TAF1: variants seen among roughly 807,000 people sequenced by gnomAD.
TAF1 encodes the protein TATA-box binding protein associated factor 1.
TAF1 carries 2 observed loss-of-function variants against 138.5 expected under a neutral mutation model. That is an observed-to-expected ratio of 0.01 (90% confidence interval 0.01 to 0.05). The LOEUF is 0.05. Ranked by LOEUF, TAF1 falls within the 10% of genes least tolerant of loss-of-function variation. The probability of loss-of-function intolerance (pLI) is 1.00; values close to 1 mark genes in which losing one functional copy is unlikely to be tolerated. For synonymous variants in TAF1, 437 were observed against 503.2 expected, an observed-to-expected ratio of 0.87 and a Z score of 1.76; for missense variants, 709 against 1,478.0, an observed-to-expected ratio of 0.48 and a Z score of 8.53.
At chrX:71,379,999 C>T (rs2033779265) in intron 8 of TAF1, among the ~76,000 whole-genome samples, 1 of 110,289 alleles carries the variant, frequency 9.1e-6, no homozygotes, top group East Asian at 2.8e-4. Context: ...TATTTTTCTC[C>T]TTAAATAGGT....
Position 71,454,680 on chromosome X carries a change from A to G in TAF1, c.4822-61A>G. 7 of 1,012,702 alleles carry G rather than the reference A, an allele frequency of 6.9e-6. No homozygotes were observed. In the South Asian group the frequency reaches 1.5e-4, roughly 22 times the overall value. 83.5% of individuals were successfully genotyped at this position (1,012,702 alleles called of 1,213,427 possible). On this transcript the variant is annotated intron_variant, in intron 33 of 37. Coordinates refer to ENST00000423759, the MANE Select transcript of TAF1 (RefSeq NM_004606.5). ...AGATAGATATTTTTGTCTTTTGTTT[A>G]CTTTTGTATCCCCAGTACTTAAAAT...
intron 21 of TAF1, 76 bp downstream of exon 21, chrX:71,393,552 G>A: frequency 9.1e-7 from 1 of 1,101,215 alleles, no homozygotes; most frequent in Non-Finnish European, 1.2e-6. Context: ...ATAATAAAGA[G>A]GAGGTCACCT....
In TAF1 at chrX:71,378,871, T is replaced by C. The variant is rs773362861; in HGVS notation, c.1200T>C (p.Asp400=). 5.8e-6 allele frequency: 7 copies of C among 1,209,514 alleles called. No homozygotes were observed. In the East Asian group the frequency reaches 1.8e-4, roughly 31 times the overall value. The change falls in exon 8 of 38, where the codon GAT becomes GAC. Residue 400 remains aspartate, a synonymous_variant. Transcript: ENST00000423759. ...ACAATGGCACTGATCTTCTGGCTGA[T>C]GAAAACTTCCTGATGGTGACACAGC... The part of the protein sequence containing the change: ...EENNGTDLLA[D]ENFLMVTQLH...
At chrX:71,430,371 G>C (rs949324808) in intron 32 of TAF1, among the ~76,000 whole-genome samples, 1 of 95,055 alleles carries the variant, frequency 1.1e-5, no homozygotes, top group African/African-American at 4.0e-5. Flanking sequence ...GCAACAGAGC[G>C]AGACTCCGTC....
At chrX:71,448,802 C>G (rs1463797456) in intron 32 of TAF1, among the ~76,000 whole-genome samples, 1 of 103,014 alleles carries the variant, frequency 9.7e-6, no homozygotes, top group African/African-American at 3.7e-5. Context: ...CTTTTGTTTT[C>G]TTTTTCTTTT....
chrX:71,464,206 C>T lies in TAF1; in HGVS notation c.*160C>T, dbSNP rs903845591. The T allele has an allele frequency of 3.2e-5, 16 of 492,331 alleles. No homozygotes were observed. The highest frequency in any genetic ancestry group is 5.0e-5 in the Non-Finnish European group (15 of 297,111). 40.6% of individuals were successfully genotyped at this position (492,331 alleles called of 1,213,427 possible). A position where few individuals can be genotyped will look rare whatever the true frequency, so the allele number is the denominator to read the frequency against. Reference sequence around the variant, plus strand: ...AAGTAGTAAGTAAATGATAATAAATCACCTCTCCTAATCTTCCTGGGGCAA... The same window carrying T: ...AAGTAGTAAGTAAATGATAATAAATTACCTCTCCTAATCTTCCTGGGGCAA... On this transcript the variant is annotated 3_prime_UTR_variant, in exon 38 of 38. Coordinates refer to ENST00000423759, the MANE Select transcript of TAF1 (RefSeq NM_004606.5).
At chrX:71,516,251 T>C (rs1166340004) in intron 13 of TAF1, among the ~76,000 whole-genome samples, 1 of 104,634 alleles carries the variant, frequency 9.6e-6, no homozygotes, top group African/African-American at 3.5e-5. Flanking sequence ...TTTTTTTTTT[T>C]TGTAGAGTTG....
At chrX:71,500,491 A>G (rs1293116538) in intron 13 of TAF1, among the ~76,000 whole-genome samples, 1 of 110,543 alleles carries the variant, frequency 9.0e-6, no homozygotes, top group Non-Finnish European at 1.9e-5. Context: ...TATCTGAAAG[A>G]AAAAACCACC....
intron 13 of TAF1, among the ~76,000 whole-genome samples, chrX:71,483,038 G>A (rs1388811186): frequency 1.8e-5 from 2 of 110,001 alleles, no homozygotes; most frequent in African/African-American, 6.6e-5. Context: ...GGAGTGCAGT[G>A]TCATGATCAT....
chrX:71,529,076 T>C (rs1313389345), intron 14 of TAF1, among the ~76,000 whole-genome samples: 1 of 108,758 alleles, frequency 9.2e-6, no homozygotes, highest in Non-Finnish European at 1.9e-5. Context: ...CGTTTTGTTT[T>C]TGTTTTTTTT....
At chrX:71,373,645 ATC>A (rs1569270666) in intron 3 of TAF1, among the ~76,000 whole-genome samples, 1 of 112,018 alleles carries the variant, frequency 8.9e-6, no homozygotes, top group Non-Finnish European at 1.9e-5. Context: ...GCTGTTAAAT[ATC>A]TGAGTAGAAA....
intron 13 of TAF1, among the ~76,000 whole-genome samples, chrX:71,483,549 T>G (rs1207612534): frequency 9.4e-6 from 1 of 106,934 alleles, no homozygotes; most frequent in African/African-American, 3.4e-5. Flanking sequence ...ATTGTGCCAC[T>G]GCACTCCAGC....
intron 34 of TAF1, 54 bp from the exon 35 acceptor site, chrX:71,458,185 CTG>C: frequency 8.5e-7 from 1 of 1,183,261 alleles, no homozygotes; most frequent in Non-Finnish European, 1.1e-6. Context: ...GGGGAGTTAT[CTG>C]TATTTATTTT....
At chrX:71,378,075 G>C in intron 6 of TAF1, 160 bp from the exon 7 acceptor site, 1 of 601,232 alleles carries the variant, frequency 1.7e-6, no homozygotes, top group Admixed American at 3.8e-5. Context: ...TTGATTGATA[G>C]GTGGAATGTG....
intron 36 of TAF1, among the ~76,000 whole-genome samples, chrX:71,460,180 G>A (rs2038488185): frequency 8.9e-6 from 1 of 112,288 alleles, no homozygotes; most frequent in South Asian, 3.7e-4. Flanking sequence ...CTTCAAGGCT[G>A]TAGTGAGCCA....
intron 13 of TAF1, among the ~76,000 whole-genome samples, chrX:71,478,076 T>G (rs949153593): frequency 9.0e-6 from 1 of 110,965 alleles, no homozygotes; most frequent in African/African-American, 3.3e-5. Context: ...CCAATTCATA[T>G]AACTGATAAA....
chrX:71,529,324 G>A (rs1031473241), intron 14 of TAF1, among the ~76,000 whole-genome samples: 1 of 110,563 alleles, frequency 9.0e-6, no homozygotes, highest in Non-Finnish European at 1.9e-5. Context: ...GCCTGCTTCA[G>A]CCTCCCAAAG....
chrX:71,377,475 G>C lies in TAF1; in HGVS notation c.715-128G>C, dbSNP rs773706163. 6.2e-4 allele frequency: 547 copies of C among 879,638 alleles called. 1 individual carries two copies. Among genetic ancestry groups the C allele is most frequent in the Non-Finnish European group, 8.1e-4 (524 of 646,057 alleles). The allele number at this position is 879,638 out of a possible 1,213,427, so 72.5% of individuals were successfully genotyped here. On this transcript the variant is annotated intron_variant, in intron 5 of 37. Coordinates refer to ENST00000423759, the MANE Select transcript of TAF1 (RefSeq NM_004606.5). ...TTACTTTCTTAGACGTTACAAGTCT[G>C]AATGCGACACTCCTTTGTTTCTCCC... is the stretch of plus-strand genomic sequence containing the variant.
intron 28 of TAF1, among the ~76,000 whole-genome samples, chrX:71,412,118 C>A (rs1324574682): frequency 2.8e-5 from 3 of 106,264 alleles, no homozygotes; most frequent in African/African-American, 1.0e-4. Context: ...GTACTTCATT[C>A]CTGGTTTTTT....
Sources: allele counts gnomAD v4.1 joint callset (sites outside exome capture counted in the v4.1 genomes callset), GRCh38; gene constraint gnomAD v4.1.1; transcripts MANE v1.5; gene names NCBI Gene and HGNC (gene_info 2026-07-23, HGNC 2026-07-21).